Variants in AP2B1 observed in about 807,000 individuals in gnomAD.
AP2B1 encodes AP-2 complex subunit beta.
Under a neutral mutation model 102.0 loss-of-function variants are expected in AP2B1, and 23 were observed. The ratio of observed to expected loss-of-function variants is 0.23; its 90% CI spans 0.16 to 0.32. The LOEUF (loss-of-function observed/expected upper bound fraction) is 0.32, where lower values mean the gene tolerates loss of function less well. Ranked by LOEUF, AP2B1 falls within the 10% of genes least tolerant of loss-of-function variation. The probability of loss-of-function intolerance (pLI) is 1.00; values close to 1 mark genes in which losing one functional copy is unlikely to be tolerated. For missense variants in AP2B1, 541 were observed against 1,157.4 expected, an observed-to-expected ratio of 0.47 and a Z score of 7.73; for synonymous variants, 381 against 421.2, an observed-to-expected ratio of 0.90 and a Z score of 1.17.
chr17:35,681,934 T>G (rs1159384454), intron 17 of AP2B1, among the ~76,000 whole-genome samples: 2 of 152,224 alleles, frequency 1.3e-5, no homozygotes, highest in African/African-American at 2.4e-5. Context: ...AAATTGGCAT[T>G]GAGCACCTTG....
intron 18 of AP2B1, among the ~76,000 whole-genome samples, chr17:35,689,510 T>C (rs587652760): frequency 6.6e-6 from 1 of 152,348 alleles, no homozygotes; most frequent in South Asian, 2.1e-4. Context: ...TTAACTACAA[T>C]AACTATTCTC....
chr17:35,608,424 T>A, intron 5 of AP2B1, 37 bp downstream of exon 5: 1 of 1,610,498 alleles, frequency 6.2e-7, no homozygotes, highest in Non-Finnish European at 8.5e-7. Context: ...GAGCAGTATT[T>A]AAAATGAGTC....
chr17:35,600,620 CA>C (rs1249504292), intron 3 of AP2B1, among the ~76,000 whole-genome samples: 3 of 151,366 alleles, frequency 2.0e-5, no homozygotes, highest in African/African-American at 7.3e-5. Flanking sequence ...AAGAGAGTTG[CA>C]AAAAAATAAA....
intron 3 of AP2B1, among the ~76,000 whole-genome samples, chr17:35,600,512 A>G (rs2073442072): frequency 6.6e-6 from 1 of 152,208 alleles, no homozygotes; most frequent in African/African-American, 2.4e-5. Flanking sequence ...ACGTGTATGA[A>G]GCTGGATTTT....
intron 13 of AP2B1, among the ~76,000 whole-genome samples, chr17:35,653,106 G>A (rs561371177): frequency 4.6e-5 from 7 of 152,174 alleles, no homozygotes; most frequent in Admixed American, 3.3e-4. Context: ...GGTTCAATCT[G>A]AACCCTTTCT....
At chr17:35,657,243 G>T (rs1291223801) in intron 13 of AP2B1, among the ~76,000 whole-genome samples, 1 of 151,968 alleles carries the variant, frequency 6.6e-6, no homozygotes, top group East Asian at 1.9e-4. Context: ...TTTTTTTGTT[G>T]GTGTGTGAGC....
At chr17:35,608,607 G>A (rs948981916) in intron 5 of AP2B1, among the ~76,000 whole-genome samples, 15 of 152,110 alleles carry the variant, frequency 9.9e-5, no homozygotes, top group Admixed American at 9.2e-4. Flanking sequence ...TCTTTGTATT[G>A]TACTTATGCT....
chr17:35,627,511 A>G lies in AP2B1; in HGVS notation c.1059+6A>G. On this transcript the variant is annotated splice_donor_region_variant and intron_variant, in intron 8 of 21. Transcript: ENST00000610402. The stretch of plus-strand genomic sequence containing the variant: ...CTCAAGCCAACATTGCTCAGGTCAG[A>G]CTTTATGCAGACTCAAGTTGATGAT... The G allele has an allele frequency of 6.2e-7, 1 of 1,614,044 alleles. No homozygotes were observed. The highest frequency in any genetic ancestry group is 8.5e-7 in the Non-Finnish European group (1 of 1,179,990).
At chr17:35,689,334 C>T (rs972405007) in intron 18 of AP2B1, among the ~76,000 whole-genome samples, 1 of 152,120 alleles carries the variant, frequency 6.6e-6, no homozygotes, top group African/African-American at 2.4e-5. Context: ...CACGTGCCAC[C>T]ATACCTAGCT....
At chr17:35,657,500 T>C (rs537641013) in intron 13 of AP2B1, 99 bp from the exon 14 acceptor site, 1 of 846,254 alleles carries the variant, frequency 1.2e-6, no homozygotes, top group South Asian at 2.4e-5. Flanking sequence ...TTGTATTTGA[T>C]AGTTATATAT....
intron 1 of AP2B1, among the ~76,000 whole-genome samples, chr17:35,590,545 C>T (rs2073059896): frequency 6.6e-6 from 1 of 152,278 alleles, no homozygotes; most frequent in African/African-American, 2.4e-5. Flanking sequence ...ACCAGCTTGG[C>T]ACCATGTTTC....
chr17:35,609,583 G>A (rs1332510655), intron 5 of AP2B1, among the ~76,000 whole-genome samples: 4 of 152,066 alleles, frequency 2.6e-5, no homozygotes, highest in African/African-American at 4.8e-5. Context: ...TCCTGACCTC[G>A]TGATCCACCT....
chr17:35,596,770 C>T (rs894353156), intron 2 of AP2B1: 3 of 576,164 alleles, frequency 5.2e-6, no homozygotes, highest in Non-Finnish European at 9.5e-6. Flanking sequence ...ACAGCGCCCG[C>T]AGCTGCGCCC....
chr17:35,595,815 T>C (rs2142310987), intron 2 of AP2B1, among the ~76,000 whole-genome samples: 1 of 152,334 alleles, frequency 6.6e-6, no homozygotes, highest in African/African-American at 2.4e-5. Context: ...CAGCTTTTTC[T>C]GATTTTCTTT....
At chr17:35,633,921 C>T (rs570113092) in intron 9 of AP2B1, among the ~76,000 whole-genome samples, 43 of 152,108 alleles carry the variant, frequency 2.8e-4, no homozygotes, top group Non-Finnish European at 5.1e-4. Context: ...CCGAGGCGGG[C>T]GGATCACTTG....
At chr17:35,723,314 A>G (rs1435616836) in intron 21 of AP2B1, among the ~76,000 whole-genome samples, 1 of 152,184 alleles carries the variant, frequency 6.6e-6, no homozygotes, top group Non-Finnish European at 1.5e-5. Flanking sequence ...AATAATCCCT[A>G]TAACTCTTAG....
At position 35,608,275 on chromosome 17, in the gene AP2B1, G is replaced by A. The variant is rs2073752357; in HGVS notation, c.413G>A (p.Arg138Gln). 2 of 1,614,146 alleles carry A rather than the reference G, an allele frequency of 1.2e-6. No homozygotes were observed. The highest frequency in any genetic ancestry group is 1.7e-6 in the Non-Finnish European group (2 of 1,180,040). The change falls in exon 5 of 22, where the codon CGG becomes CAG. Residue 138 changes from arginine to glutamine, a missense_variant. Transcript: ENST00000610402. ...KCLKDEDPYVRKTAAVCVAKL... is the reference protein window; with the variant it reads ...KCLKDEDPYVQKTAAVCVAKL... ...TTGAAGGATGAGGATCCCTATGTTC[G>A]GAAAACAGCAGCAGTCTGCGTGGCA...
At chr17:35,600,728 TA>T (rs2073450919) in intron 3 of AP2B1, among the ~76,000 whole-genome samples, 1 of 152,246 alleles carries the variant, frequency 6.6e-6, no homozygotes, top group Non-Finnish European at 1.5e-5. Context: ...ATTAACTTTT[TA>T]AAAATTTCTC....
chr17:35,647,598 A>G (rs748646158), intron 12 of AP2B1, among the ~76,000 whole-genome samples: 1 of 152,192 alleles, frequency 6.6e-6, no homozygotes, highest in Non-Finnish European at 1.5e-5. Flanking sequence ...TACTGTTTTA[A>G]TATTTTATTA....
Sources: gnomAD v4.1 joint callset for allele counts (sites outside exome capture counted in the v4.1 genomes callset) on GRCh38, gnomAD v4.1.1 for gene constraint, MANE v1.5 for transcripts, NCBI Gene and HGNC (gene_info 2026-07-23, HGNC 2026-07-21) for gene names.